Variants in CCL28 observed in about 807,000 individuals in gnomAD.
CCL28 encodes C-C motif chemokine 28.
A neutral mutation model predicts 7.1 loss-of-function variants in CCL28; 4 were observed. The ratio of observed to expected loss-of-function variants is 0.56; its 90% CI spans 0.28 to 1.29. The LOEUF (loss-of-function observed/expected upper bound fraction) is 1.29. Among genes scored for constraint, CCL28 ranks in the 50% most tolerant of loss-of-function variants. The pLI is 0.11. For missense variants in CCL28, 151 were observed against 163.4 expected, an observed-to-expected ratio of 0.92 and a Z score of 0.41; for synonymous variants, 55 against 57.8, an observed-to-expected ratio of 0.95 and a Z score of 0.22.
chr5:43,371,003 A>C, the CCL28 span, among the ~76,000 whole-genome samples: 1 of 152,140 alleles, frequency 6.6e-6, no homozygotes, highest in African/African-American at 2.4e-5. Context: ...TGGCCTCCCA[A>C]AGTGCTGGGA....
At chr5:43,363,808 A>G in the CCL28 span, among the ~76,000 whole-genome samples, 1 of 152,162 alleles carries the variant, frequency 6.6e-6, no homozygotes, top group East Asian at 1.9e-4. Context: ...CAGAATTTTC[A>G]TAGATTAGTG....
At chr5:43,386,359 C>T (rs764479579) in intron 2 of CCL28, among the ~76,000 whole-genome samples, 27 of 152,170 alleles carry the variant, frequency 1.8e-4, no homozygotes, top group Non-Finnish European at 3.5e-4. Context: ...ACTTGGAGCA[C>T]CCCTCAGAAT....
chr5:43,381,803 C>A lies in CCL28; in HGVS notation c.*57G>T, dbSNP rs905704035. On this transcript the variant is annotated 3_prime_UTR_variant, in exon 3 of 3. Transcript: ENST00000361115. Reference sequence around the variant, plus strand: ...GAGAATTCAGATGATAAACTTACAACCAATCATGGCCAAGTCCACTTGAGG... The same window carrying A: ...GAGAATTCAGATGATAAACTTACAAACAATCATGGCCAAGTCCACTTGAGG... 7.2e-6 allele frequency: 10 copies of A among 1,394,942 alleles called. No homozygotes were observed. Among genetic ancestry groups the A allele is most frequent in the Admixed American group, 2.0e-5 (1 of 50,114 alleles). 86.4% of individuals were successfully genotyped at this position (1,394,942 alleles called of 1,614,324 possible). A position where few individuals can be genotyped will look rare whatever the true frequency, so the allele number is the denominator to read the frequency against.
chr5:43,365,297 C>G, the CCL28 span, among the ~76,000 whole-genome samples: 7 of 152,120 alleles, frequency 4.6e-5, no homozygotes, highest in Non-Finnish European at 1.0e-4. Flanking sequence ...GCCACTGTGC[C>G]CAGTGGTCTT....
the CCL28 span, among the ~76,000 whole-genome samples, chr5:43,366,141 C>T: frequency 1.3e-5 from 2 of 152,096 alleles, no homozygotes; most frequent in African/African-American, 4.8e-5. Context: ...TTTGTTATTA[C>T]CCACCTTCTG....
chr5:43,412,281 A>T lies in CCL28; in HGVS notation c.36T>A (p.Ala12=). Residue 12 remains alanine (A), a synonymous_variant, in exon 1 of 3, where the codon GCT becomes GCA. Transcript: ENST00000361115. ...CTGAGGCATGTAGGGCCGCACAGAC[A>T]GCCAAGGCCACGATGGCGAGTCCTC... ...QQRGLAIVAL[A]VCAALHASEA... is the part of the protein sequence containing the mutation. The T allele has an allele frequency of 6.2e-7, 1 of 1,613,086 alleles. No homozygotes were observed. Among genetic ancestry groups the T allele is most frequent in the African/African-American group, 1.3e-5 (1 of 75,072 alleles).
At chr5:43,407,597 A>T (rs964810808) in intron 1 of CCL28, among the ~76,000 whole-genome samples, 5 of 152,208 alleles carry the variant, frequency 3.3e-5, no homozygotes, top group East Asian at 1.9e-4. Context: ...GGACTTCATG[A>T]CTAAAACACC....
intron 1 of CCL28, among the ~76,000 whole-genome samples, chr5:43,410,447 G>A (rs1251994768): frequency 6.6e-6 from 1 of 152,220 alleles, no homozygotes; most frequent in Non-Finnish European, 1.5e-5. Flanking sequence ...CTTAGGTAAA[G>A]CATCGAGACT....
chr5:43,400,689 A>C (rs540295193), intron 1 of CCL28, among the ~76,000 whole-genome samples: 3 of 152,338 alleles, frequency 2.0e-5, no homozygotes, highest in East Asian at 3.9e-4. Flanking sequence ...CAGAGTAAAG[A>C]AAGGCACATG....
intron 1 of CCL28, among the ~76,000 whole-genome samples, chr5:43,408,820 T>C (rs1300970160): frequency 6.6e-6 from 1 of 152,102 alleles, no homozygotes. Flanking sequence ...TATTTGTAAC[T>C]TTCATAATAT....
the CCL28 span, among the ~76,000 whole-genome samples, chr5:43,364,821 T>C: frequency 1.3e-5 from 2 of 152,138 alleles, no homozygotes; most frequent in African/African-American, 4.8e-5. Flanking sequence ...TGCCTTTCTT[T>C]GTATTTTTTT....
downstream of CCL28, among the ~76,000 whole-genome samples, chr5:43,373,395 G>T (rs763294915): frequency 6.6e-6 from 1 of 151,906 alleles, no homozygotes; most frequent in African/African-American, 2.4e-5. Context: ...CCGCCTCCCT[G>T]GTTCAAGTGA....
intron 2 of CCL28, among the ~76,000 whole-genome samples, chr5:43,383,051 T>A (rs1740186589): frequency 6.6e-6 from 1 of 152,112 alleles, no homozygotes; most frequent in South Asian, 2.1e-4. Context: ...ACTACTGAAC[T>A]CAGGTGATCC....
intron 1 of CCL28, among the ~76,000 whole-genome samples, chr5:43,404,172 T>A (rs1467346060): frequency 6.6e-6 from 1 of 152,016 alleles, no homozygotes; most frequent in Admixed American, 6.6e-5. Flanking sequence ...CACAAAATAC[T>A]CCTCAAGAAG....
At position 43,388,374 on chromosome 5, in the gene CCL28, C is replaced by T; in HGVS notation, c.167G>A (p.Gly56Glu). The stretch of plus-strand genomic sequence containing the variant: ...CATGACAGCAGCCAAGTCACAATCC[C>T]CATCAGCTCTCTGGATGCGACACAT... ...VNMCRIQRADGDCDLAAVILH... is the reference protein window; with the variant it reads ...VNMCRIQRADEDCDLAAVILH... The change falls in exon 2 of 3, where the codon GGG (glycine) becomes GAG (glutamate). Residue 56 changes from glycine to glutamate, a missense_variant. Coordinates refer to ENST00000361115, the MANE Select transcript of CCL28 (RefSeq NM_148672.3). 7 of 1,614,172 alleles carry T rather than the reference C, an allele frequency of 4.3e-6. No homozygotes were observed. Among genetic ancestry groups the T allele is most frequent in the Non-Finnish European group, 5.9e-6 (7 of 1,180,024 alleles).
rs140167906 is a variant in CCL28 at position 43,381,858 on chromosome 5, C to G, written c.*2G>C. ...GTCTCTGTAGATTTATCTGTAGACT[C>G]TCTAATAAGGAGTTTTATGGCCGTA... On this transcript the variant is annotated 3_prime_UTR_variant, in exon 3 of 3. Coordinates refer to ENST00000361115, the MANE Select transcript of CCL28 (RefSeq NM_148672.3). 1.3e-4 allele frequency: 204 copies of G among 1,610,770 alleles called. No individual in the cohort carries two copies. Among genetic ancestry groups the G allele is most frequent in the South Asian group, 4.5e-4 (41 of 90,712 alleles).
At chr5:43,371,109 T>G in the CCL28 span, among the ~76,000 whole-genome samples, 1 of 152,196 alleles carries the variant, frequency 6.6e-6, no homozygotes, top group Non-Finnish European at 1.5e-5. Flanking sequence ...GTTTAATATA[T>G]ATGGAGGAAC....
At chr5:43,405,586 A>G (rs1741242794) in intron 1 of CCL28, among the ~76,000 whole-genome samples, 1 of 152,232 alleles carries the variant, frequency 6.6e-6, no homozygotes, top group African/African-American at 2.4e-5. Flanking sequence ...AATTAAAAGA[A>G]CTAGAGAAGC....
chr5:43,386,949 G>T (rs758155281), intron 2 of CCL28, among the ~76,000 whole-genome samples: 1 of 152,218 alleles, frequency 6.6e-6, no homozygotes, highest in Admixed American at 6.5e-5. Flanking sequence ...ATATAGAACA[G>T]TGCTTGGTGC....
Sources: gnomAD v4.1 joint callset for allele counts (sites outside exome capture counted in the v4.1 genomes callset) on GRCh38, gnomAD v4.1.1 for gene constraint, MANE v1.5 for transcripts, NCBI Gene and HGNC (gene_info 2026-07-23, HGNC 2026-07-21) for gene names.